The following PPIE variants were observed in gnomAD, a reference collection of about 807,000 sequenced individuals.
PPIE encodes peptidylprolyl isomerase E.
In PPIE, 20 loss-of-function variants were observed where a neutral mutation model predicts 38.4. The ratio of observed to expected loss-of-function variants is 0.52; its 90% CI spans 0.37 to 0.76. PPIE has a LOEUF of 0.76. Ranked by LOEUF, PPIE falls within the 30% of genes least tolerant of loss-of-function variation. The pLI is 0.00. For synonymous variants in PPIE, 142 were observed against 135.7 expected (o/e 1.05, Z -0.32); for missense variants, 322 against 385.8 (o/e 0.83, Z 1.39).
At chr1:39,743,554 G>A (rs1647114473) in intron 5 of PPIE, among the ~76,000 whole-genome samples, 1 of 152,178 alleles carries the variant, frequency 6.6e-6, no homozygotes, top group African/African-American at 2.4e-5. Flanking sequence ...CAGTTTTCTT[G>A]ATATTCCATT....
chr1:39,760,457 G>A (rs762242967), downstream of PPIE: 24 of 1,614,040 alleles, frequency 1.5e-5, no homozygotes, highest in African/African-American at 4.0e-5. Flanking sequence ...ATGTTGCGGT[G>A]CTTGCGCAGG....
chr1:39,762,704 G>A (rs1478949900), intron 9 of PPIE: 8 of 1,471,076 alleles, frequency 5.4e-6, no homozygotes, highest in East Asian at 5.0e-5. Context: ...ATCACGGGCG[G>A]TCAGACTTGC....
In PPIE at chr1:39,743,809, A is replaced by G; in HGVS notation, c.284-15A>G. On this transcript the variant is annotated splice_polypyrimidine_tract_variant and intron_variant, in intron 5 of 9. Coordinates refer to ENST00000324379, the MANE Select transcript of PPIE (RefSeq NM_006112.4). ...GACAGCTTGAATGAACATTTGTTTG[A>G]TTCTTTCCTTTCAGTTTGGTCAGAT... The G allele has an allele frequency of 1.2e-6, 2 of 1,601,622 alleles. No individual in the cohort carries two copies. Among genetic ancestry groups the G allele is most frequent in the Non-Finnish European group, 1.7e-6 (2 of 1,169,396 alleles).
Position 39,753,334 on chromosome 1 carries a change from C to T in PPIE, c.885C>T (p.Ala295=), listed in dbSNP as rs994800827. ...DGKPKQKVII[A]DCGEYV is the part of the protein sequence containing the mutation. ...AGCCAAAGCAGAAGGTGATCATCGC[C>T]GACTGTGGGGAGTACGTGTGAGGCG... is the stretch of plus-strand genomic sequence containing the variant. Residue 295 remains alanine (A), a synonymous_variant, in exon 10 of 10, where the codon GCC becomes GCT. Transcript: ENST00000324379. 53 of 1,614,030 alleles carry T rather than the reference C, an allele frequency of 3.3e-5. No homozygotes were observed. Among genetic ancestry groups the T allele is most frequent in the African/African-American group, 1.6e-4 (12 of 74,934 alleles).
downstream of PPIE, chr1:39,760,357 C>T (rs1327660918): frequency 3.1e-6 from 5 of 1,601,278 alleles, no homozygotes; most frequent in Non-Finnish European, 4.3e-6. Flanking sequence ...TGAGGGTTTC[C>T]TGCTTCTGAG....
intron 8 of PPIE, among the ~76,000 whole-genome samples, chr1:39,751,300 CTG>C (rs1482959513): frequency 6.6e-6 from 1 of 152,218 alleles, no homozygotes; most frequent in Non-Finnish European, 1.5e-5. Flanking sequence ...GTGCAGATAA[CTG>C]TAAACACATT....
downstream of PPIE, chr1:39,760,472 CATT>C (rs758750458): frequency 3.6e-5 from 58 of 1,614,066 alleles, no homozygotes; most frequent in East Asian, 1.1e-4. Context: ...CGCAGGATGA[CATT>C]GTTGCTGCTG....
chr1:39,742,072 A>G, intron 4 of PPIE, 151 bp downstream of exon 4: 2 of 750,572 alleles, frequency 2.7e-6, no homozygotes, highest in Non-Finnish European at 4.4e-6. Flanking sequence ...TGAATTGATC[A>G]CTTATAAAAT....
chr1:39,739,047 T>A, intron 1 of PPIE, 116 bp downstream of exon 1: 2 of 1,180,434 alleles, frequency 1.7e-6, no homozygotes, highest in Non-Finnish European at 2.2e-6. Context: ...CAAGGCCGGG[T>A]CTCTGGCGGT....
chr1:39,760,905 C>G (rs1648875624), downstream of PPIE, among the ~76,000 whole-genome samples: 1 of 152,074 alleles, frequency 6.6e-6, no homozygotes, highest in East Asian at 1.9e-4. Flanking sequence ...GGTTTGTGCC[C>G]TTAGTGAGGT....
intron 8 of PPIE, among the ~76,000 whole-genome samples, chr1:39,749,320 A>G (rs1245680539): frequency 6.6e-6 from 1 of 151,726 alleles, no homozygotes; most frequent in Non-Finnish European, 1.5e-5. Context: ...CCCCGCTTGG[A>G]TTCTGTGGTC....
rs896466060 is a variant in PPIE, at chr1:39,754,265, G to C, written c.*910G>C. The stretch of plus-strand genomic sequence containing the variant: ...AATACAGGCTATGGTCCCTGTATTA[G>C]GGTTTTCTAGAGAAGCAGAACCAAT... On this transcript the variant is annotated 3_prime_UTR_variant, in exon 10 of 10. Transcript: ENST00000324379. Among the ~76,000 whole-genome samples, 10 of 152,192 alleles carry C rather than the reference G, an allele frequency of 6.6e-5. No individual in the cohort carries two copies. The highest frequency in any genetic ancestry group is 2.2e-4 in the African/African-American group (9 of 41,430).
chr1:39,760,410 C>T (rs185202946), downstream of PPIE: 194 of 1,613,404 alleles, frequency 1.2e-4, 1 homozygote, highest in African/African-American at 1.7e-3. Flanking sequence ...CTGGGCCGGG[C>T]GGGTGGACTC....
chr1:39,743,328 G>A, intron 5 of PPIE, 31 bp downstream of exon 5: 1 of 1,599,828 alleles, frequency 6.3e-7, no homozygotes, highest in Non-Finnish European at 8.6e-7. Flanking sequence ...GATTCCCTGT[G>A]ATGTTCTGCA....
chr1:39,740,132 C>G lies in PPIE; in HGVS notation c.32-33C>G, dbSNP rs772489126. 2.1e-5 allele frequency: 31 copies of G among 1,505,240 alleles called. No individual in the cohort carries two copies. The Admixed American group carries it at 5.3e-4, about 26-fold the overall frequency. The allele number at this position is 1,505,240 out of a possible 1,614,324, so 93.2% of individuals were successfully genotyped here. ...AGGACTTCTGCAAGAGTATGGAGAT[C>G]AGTGGCTCAGAAGGCCCTTGGCTTA... On this transcript the variant is annotated intron_variant, in intron 1 of 9. Transcript: ENST00000324379.
chr1:39,759,702 TTC>T (rs1208121482), downstream of PPIE: 1 of 152,278 alleles, frequency 6.6e-6, no homozygotes. Flanking sequence ...CCCAAGATTT[TTC>T]TGTTTCTCCA....
intron 9 of PPIE, chr1:39,763,188 A>G (rs768947355): frequency 7.1e-5 from 114 of 1,612,850 alleles, no homozygotes; most frequent in African/African-American, 2.5e-4. Flanking sequence ...AGCCTTGGGG[A>G]GCGATGACCC....
chr1:39,743,255 T>A lies in PPIE; in HGVS notation c.241T>A (p.Leu81Met). 6.2e-7 allele frequency: 1 copy of A among 1,614,204 alleles called. No individual in the cohort carries two copies. The highest frequency in any genetic ancestry group is 8.5e-7 in the Non-Finnish European group (1 of 1,180,014). ...TTTTGGACGTACAATTCGTGTCAAT[T>A]TGGCCAAACCAATGAGAATTAAGGA... is the stretch of plus-strand genomic sequence containing the variant. ...ELFGRTIRVN[L>M]AKPMRIKEGS... Residue 81 changes from leucine to methionine, a missense_variant, in exon 5 of 10, where the codon TTG (leucine) becomes ATG (methionine). Transcript: ENST00000324379.
At chr1:39,763,235 A>C (rs1181066459) in intron 9 of PPIE, 1 of 1,569,636 alleles carries the variant, frequency 6.4e-7, no homozygotes, top group African/African-American at 1.4e-5. Context: ...AGTCCCATCC[A>C]TGTGCCCCTC....
Sources: allele counts gnomAD v4.1 joint callset (sites outside exome capture counted in the v4.1 genomes callset), GRCh38; gene constraint gnomAD v4.1.1; transcripts MANE v1.5; gene names NCBI Gene and HGNC (gene_info 2026-07-23, HGNC 2026-07-21).